The following YIPF1 variants were observed in gnomAD, a reference collection of about 807,000 sequenced individuals.
YIPF1 encodes Yip1 domain family member 1.
YIPF1 carries 22 observed loss-of-function variants against 37.0 expected under a neutral mutation model. The observed-to-expected ratio is 0.59, with a 90% CI of 0.42 to 0.85. The LOEUF is 0.85. Ranked by LOEUF, YIPF1 falls within the 40% of genes least tolerant of loss-of-function variation. YIPF1 has a pLI of 0.00. For synonymous variants in YIPF1, 128 were observed against 131.9 expected (o/e 0.97, Z 0.21); for missense variants, 355 against 373.1 (o/e 0.95, Z 0.40).
In YIPF1 at chr1:53,866,750, GTACT is replaced by G. The variant is rs765068818; in HGVS notation, c.648+4_648+7del. On this transcript the variant is annotated splice_donor_5th_base_variant and intron_variant, in intron 8 of 10. Coordinates refer to ENST00000072644, the MANE Select transcript of YIPF1 (RefSeq NM_018982.5). ...ACTCAGAATCTACTCCCTAAGTATG[GTACT>G]TACTGCGGTGGGGATATAAATGAAG... 6 of 1,610,088 alleles carry G rather than the reference GTACT, an allele frequency of 3.7e-6. No homozygotes were observed. The Admixed American group carries it at 1.0e-4, about 27-fold the overall frequency.
At chr1:53,887,646 G>A (rs1040118976) in intron 3 of YIPF1, among the ~76,000 whole-genome samples, 3 of 151,942 alleles carry the variant, frequency 2.0e-5, no homozygotes, top group Admixed American at 6.6e-5. Context: ...AATTGAGGTG[G>A]ATTTCTAGTA....
rs1237199171 is a variant in YIPF1, at chr1:53,881,254, A to G, written c.195+1859T>C. Among the ~76,000 whole-genome samples the G allele has an allele frequency of 4.0e-5, 6 of 150,320 alleles. No individual in the cohort carries two copies. The Admixed American group carries it at 4.0e-4, about 10-fold the overall frequency. The stretch of plus-strand genomic sequence containing the variant: ...AGCAAGACTCCATCTCAAAAAAAAA[A>G]AAAAAAAGAAAAAGAAAGAAAATCT... On this transcript the variant is annotated intron_variant, in intron 4 of 10. Transcript: ENST00000072644.
intron 10 of YIPF1, among the ~76,000 whole-genome samples, chr1:53,853,761 C>A (rs552430194): frequency 3.3e-5 from 5 of 152,264 alleles, no homozygotes; most frequent in Non-Finnish European, 7.4e-5. Flanking sequence ...CATGAAAGAA[C>A]CTAAAGCCCT....
chr1:53,870,467 T>C (rs1017622265), intron 7 of YIPF1, among the ~76,000 whole-genome samples: 2 of 151,932 alleles, frequency 1.3e-5, no homozygotes, highest in African/African-American at 4.8e-5. Context: ...TGAGCAACCA[T>C]GTCCAGCCCA....
At chr1:53,882,524 C>A (rs1402139828) in intron 4 of YIPF1, among the ~76,000 whole-genome samples, 1 of 151,530 alleles carries the variant, frequency 6.6e-6, no homozygotes, top group East Asian at 1.9e-4. Context: ...GTGGTGCAAT[C>A]TCAGCTCACT....
chr1:53,866,864 C>T lies in YIPF1; in HGVS notation c.542G>A (p.Gly181Asp). ...TTTGCTGTTTCTCCACATGAGGAAA[C>T]CCCAGAGTGCAAGAGGAACCAGCCA... ...YAWLVPLALW[G>D]FLMWRNSKVM... Residue 181 changes from glycine (G) to aspartate (D), a missense_variant, in exon 8 of 11, where the codon GGT becomes GAT. By Grantham distance (94) the Gly-to-Asp change is moderately conservative. Transcript: ENST00000072644. 6.2e-7 allele frequency: 1 copy of T among 1,614,150 alleles called. No homozygotes were observed. The highest frequency in any genetic ancestry group is 8.5e-7 in the Non-Finnish European group (1 of 1,180,032).
intron 4 of YIPF1, among the ~76,000 whole-genome samples, chr1:53,881,244 C>CAAAAAAAAAAAA (rs747288925): frequency 1.0e-5 from 1 of 96,272 alleles, no homozygotes; most frequent in African/African-American, 4.0e-5. Context: ...GACTCCATCT[C>CAAAAAAAAAAAA]AAAAAAAAAA....
chr1:53,879,093 T>C (rs1443824373), intron 4 of YIPF1, among the ~76,000 whole-genome samples: 5 of 136,760 alleles, frequency 3.7e-5, no homozygotes, highest in Non-Finnish European at 6.4e-5. Context: ...AGTGTAAATA[T>C]CTTTTCGCTT....
In YIPF1 at chr1:53,852,236, T is replaced by G. The variant is rs1367692836; in HGVS notation, c.*43A>C. ...CTGCTTTCCTGCAGTGGATGCCACT[T>G]CCCAAAGAACCATGCTCCAAAAAAC... On this transcript the variant is annotated 3_prime_UTR_variant, in exon 11 of 11. Coordinates refer to ENST00000072644, the MANE Select transcript of YIPF1 (RefSeq NM_018982.5). 1 of 152,058 alleles carries G rather than the reference T, an allele frequency of 6.6e-6. No individual in the cohort carries two copies. Among genetic ancestry groups the G allele is most frequent in the Admixed American group, 6.6e-5 (1 of 15,260 alleles). 9.4% of individuals were successfully genotyped at this position (152,058 alleles called of 1,614,324 possible).
At chr1:53,852,430 C>T (rs1649619861) in intron 10 of YIPF1, among the ~76,000 whole-genome samples, 160 bp from the exon 11 acceptor site, 1 of 152,110 alleles carries the variant, frequency 6.6e-6, no homozygotes, top group Admixed American at 6.6e-5. Context: ...AGGCTTGAGT[C>T]TAATTTTGAT....
rs376566644 is a variant in YIPF1 at position 53,883,270 on chromosome 1, C to A, written c.38G>T (p.Gly13Val). 2 of 1,561,624 alleles carry A rather than the reference C, an allele frequency of 1.3e-6. No homozygotes were observed. Among genetic ancestry groups the A allele is most frequent in the Non-Finnish European group, 1.7e-6 (2 of 1,157,328 alleles). The change falls in exon 4 of 11, where the codon GGC (glycine) becomes GTC (valine). Residue 13 changes from glycine to valine, a missense_variant. Coordinates refer to ENST00000072644, the MANE Select transcript of YIPF1 (RefSeq NM_018982.5). ...TGCTGTCAGAGAAGTGGCTGCATTGCCAAATTCTGAAATCAATTAGAGCAC... is the reference window on the plus strand; with the variant it reads ...TGCTGTCAGAGAAGTGGCTGCATTGACAAATTCTGAAATCAATTAGAGCAC... ...AVDDLQFEEFGNAATSLTANP... is the reference protein window; with the variant it reads ...AVDDLQFEEFVNAATSLTANP...
At chr1:53,881,919 C>T (rs1650511735) in intron 4 of YIPF1, among the ~76,000 whole-genome samples, 1 of 152,136 alleles carries the variant, frequency 6.6e-6, no homozygotes, top group Non-Finnish European at 1.5e-5. Flanking sequence ...TTTATGTTCA[C>T]TGCAGCACTA....
chr1:53,872,947 A>C (rs1650231798), intron 6 of YIPF1, among the ~76,000 whole-genome samples: 1 of 152,048 alleles, frequency 6.6e-6, no homozygotes, highest in African/African-American at 2.4e-5. Context: ...CAAACAAAAA[A>C]CCCCACAAAG....
rs1303966960 is a variant in YIPF1 at position 53,866,794 on chromosome 1, GAC to G, written c.610_611del (p.Val204LeufsTer48). ...VSYSFLEIVC[V>X]YGYSLFIYIP... ...TATAAATGAAGAGGGAATATCCATA[GAC>G]ACACACAATCTCCAGAAATGAATAG... On this transcript the variant is annotated frameshift_variant, in exon 8 of 11. Transcript: ENST00000072644. LOFTEE classifies it high-confidence loss of function. The G allele has an allele frequency of 1.2e-6, 2 of 1,613,986 alleles. No homozygotes were observed. The highest frequency in any genetic ancestry group is 2.7e-5 in the African/African-American group (2 of 74,906).
intron 6 of YIPF1, among the ~76,000 whole-genome samples, chr1:53,874,994 C>T (rs895034489): frequency 3.4e-4 from 52 of 152,130 alleles, no homozygotes; most frequent in African/African-American, 1.2e-3. Flanking sequence ...AATACTGCTA[C>T]AGTGGATAAT....
chr1:53,889,235 T>A lies in YIPF1; in HGVS notation c.-50+9A>T, dbSNP rs574592931. ...GTTGTGTATGTACCAGGAATGAATCTCAACTCACTGTGTGAATGTTTAGAG... is the reference window on the plus strand; with the variant it reads ...GTTGTGTATGTACCAGGAATGAATCACAACTCACTGTGTGAATGTTTAGAG... On this transcript the variant is annotated intron_variant, in intron 2 of 10. Coordinates refer to ENST00000072644, the MANE Select transcript of YIPF1 (RefSeq NM_018982.5). The A allele has an allele frequency of 9.5e-5, 30 of 315,342 alleles. No homozygotes were observed. The highest frequency in any genetic ancestry group is 5.8e-4 in the African/African-American group (28 of 48,270). The allele number at this position is 315,342 out of a possible 1,614,324, so 19.5% of individuals were successfully genotyped here.
chr1:53,878,968 G>T (rs1650409464), intron 4 of YIPF1, among the ~76,000 whole-genome samples: 1 of 152,166 alleles, frequency 6.6e-6, no homozygotes, highest in Admixed American at 6.6e-5. Context: ...GGGGAGCTTT[G>T]GCAAATCACT....
intron 9 of YIPF1, among the ~76,000 whole-genome samples, chr1:53,863,496 A>G (rs1355075935): frequency 6.6e-6 from 1 of 152,204 alleles, no homozygotes; most frequent in Non-Finnish European, 1.5e-5. Flanking sequence ...AAACCCCAAG[A>G]AAACAACAAT....
At chr1:53,857,424 G>A (rs940399533) in intron 10 of YIPF1, among the ~76,000 whole-genome samples, 31 of 152,176 alleles carry the variant, frequency 2.0e-4, no homozygotes, top group Admixed American at 2.0e-3. Context: ...CTCTAGACCC[G>A]CAGAGGAAGG....
Sources: allele counts gnomAD v4.1 joint callset (sites outside exome capture counted in the v4.1 genomes callset), GRCh38; gene constraint gnomAD v4.1.1; transcripts MANE v1.5; gene names NCBI Gene and HGNC (gene_info 2026-07-23, HGNC 2026-07-21).